Variants in CLTRN observed in about 807,000 individuals in gnomAD.
CLTRN encodes the protein collectrin, amino acid transport regulator, also known as collectrin.
In CLTRN, 12 loss-of-function variants were observed where a neutral mutation model predicts 14.5. The observed-to-expected ratio is 0.83, with a 90% confidence interval of 0.53 to 1.34. The LOEUF is 1.34. Ranked by LOEUF, CLTRN falls within the 40% of genes most tolerant of loss-of-function variation. The pLI is 0.00. For synonymous variants in CLTRN, 58 were observed against 56.5 expected, an observed-to-expected ratio of 1.03 and a Z score of -0.12; for missense variants, 154 against 165.1, an observed-to-expected ratio of 0.93 and a Z score of 0.37.
intron 3 of CLTRN, among the ~76,000 whole-genome samples, chrX:15,655,580 A>G: frequency 8.9e-6 from 1 of 111,968 alleles, no homozygotes; most frequent in East Asian, 2.8e-4. Flanking sequence ...GCTTGGCCCC[A>G]GGAATATATT....
intron 3 of CLTRN, among the ~76,000 whole-genome samples, chrX:15,652,993 A>AT (rs1282203752): frequency 9.0e-6 from 1 of 111,329 alleles, no homozygotes; most frequent in African/African-American, 3.3e-5. Flanking sequence ...AGGCAGGAGA[A>AT]TTGCGTTAAC....
chrX:15,630,520 T>A (rs1194709814), intron 5 of CLTRN, among the ~76,000 whole-genome samples: 1 of 112,531 alleles, frequency 8.9e-6, no homozygotes, highest in African/African-American at 3.2e-5. Context: ...AAAGGTAAAG[T>A]AGCATTCCAA....
chrX:15,643,348 T>C (rs1928986406), intron 4 of CLTRN, among the ~76,000 whole-genome samples: 1 of 111,989 alleles, frequency 8.9e-6, no homozygotes, highest in Non-Finnish European at 1.9e-5. Flanking sequence ...TGTGCCCTAC[T>C]AATTCCCTGA....
intron 2 of CLTRN, among the ~76,000 whole-genome samples, chrX:15,663,231 A>C (rs1257346699): frequency 1.8e-5 from 2 of 112,172 alleles, no homozygotes; most frequent in African/African-American, 3.2e-5. Flanking sequence ...CACAAGGGTA[A>C]GGACAAGCCT....
At chrX:15,664,262 C>T (rs974071168) in intron 2 of CLTRN, 75 bp downstream of exon 2, 18 of 718,603 alleles carry the variant, frequency 2.5e-5, no homozygotes, top group African/African-American at 6.5e-5. Flanking sequence ...ACTATGCAGA[C>T]AGGCCCATTA....
chrX:15,655,147 C>T (rs897147617), intron 3 of CLTRN, among the ~76,000 whole-genome samples: 2 of 111,894 alleles, frequency 1.8e-5, no homozygotes, highest in African/African-American at 3.2e-5. Flanking sequence ...CCATTTCCTC[C>T]GGGCTCCACT....
chrX:15,637,961 C>T (rs566616011), intron 5 of CLTRN, among the ~76,000 whole-genome samples: 178 of 111,897 alleles, frequency 1.6e-3, no homozygotes, highest in African/African-American at 5.6e-3. Context: ...GGATTATATA[C>T]AAGGGCAGAA....
At chrX:15,663,929 G>T (rs1157116806) in intron 2 of CLTRN, among the ~76,000 whole-genome samples, 1 of 112,243 alleles carries the variant, frequency 8.9e-6, no homozygotes, top group African/African-American at 3.2e-5. Flanking sequence ...TGCTATGAAA[G>T]ACTTTATGTG....
chrX:15,647,140 C>A (rs1414908277), intron 3 of CLTRN, among the ~76,000 whole-genome samples: 2 of 111,881 alleles, frequency 1.8e-5, no homozygotes, highest in Non-Finnish European at 3.8e-5. Flanking sequence ...GCACACCCAG[C>A]CTGCTGCCCG....
chrX:15,629,641 C>T (rs1261658599), intron 5 of CLTRN, among the ~76,000 whole-genome samples: 4 of 111,136 alleles, frequency 3.6e-5, no homozygotes, highest in African/African-American at 1.3e-4. Flanking sequence ...GTAATAGGAA[C>T]AGAAAATCAC....
intron 3 of CLTRN, among the ~76,000 whole-genome samples, chrX:15,645,325 A>G (rs899003284): frequency 3.6e-5 from 4 of 111,490 alleles, no homozygotes; most frequent in African/African-American, 9.8e-5. Context: ...GGTTGGTGAC[A>G]GCCCCCGTTT....
chrX:15,645,199 TC>T (rs1397958805), intron 3 of CLTRN, among the ~76,000 whole-genome samples, 170 bp from the exon 4 acceptor site: 6 of 111,967 alleles, frequency 5.4e-5, no homozygotes, highest in Non-Finnish European at 9.4e-5. Context: ...TATAGGAAAT[TC>T]CCATTGTTTC....
intron 3 of CLTRN, among the ~76,000 whole-genome samples, chrX:15,654,348 A>C (rs1285606788): frequency 8.9e-6 from 1 of 112,833 alleles, no homozygotes; most frequent in Non-Finnish European, 1.9e-5. Flanking sequence ...AAATTATCTA[A>C]AAGTTGATGT....
At chrX:15,660,842 A>T (rs1929490858) in intron 2 of CLTRN, among the ~76,000 whole-genome samples, 1 of 94,726 alleles carries the variant, frequency 1.1e-5, no homozygotes, top group Non-Finnish European at 2.1e-5. Context: ...AACAACAACA[A>T]CAAAAGAATG....
chrX:15,652,734 T>C (rs1929250672), intron 3 of CLTRN, among the ~76,000 whole-genome samples: 1 of 111,927 alleles, frequency 8.9e-6, no homozygotes, highest in African/African-American at 3.3e-5. Flanking sequence ...TTTGATCATT[T>C]GAAATCATTA....
At chrX:15,671,747 C>A (rs919160733) in intron 1 of CLTRN, among the ~76,000 whole-genome samples, 1 of 110,575 alleles carries the variant, frequency 9.0e-6, no homozygotes, top group Admixed American at 9.7e-5. Context: ...TTTCATTGGC[C>A]ATCTTAATAA....
intron 3 of CLTRN, among the ~76,000 whole-genome samples, chrX:15,657,341 G>A (rs748254609): frequency 3.8e-4 from 43 of 112,040 alleles, no homozygotes; most frequent in Admixed American, 6.6e-4. Context: ...CAAATAAACC[G>A]GATCAGATAT....
chrX:15,660,924 T>C (rs1427438195), intron 2 of CLTRN, among the ~76,000 whole-genome samples: 1 of 112,537 alleles, frequency 8.9e-6, no homozygotes, highest in African/African-American at 3.2e-5. Context: ...TAGATCTTAT[T>C]TGAAGTGCTC....
intron 3 of CLTRN, chrX:15,646,097 T>C: frequency 7.6e-6 from 1 of 131,467 alleles, no homozygotes; most frequent in African/African-American, 3.2e-5. Context: ...GAGCTGAGTG[T>C]CTGGGACCAT....
Sources: gnomAD v4.1 joint callset for allele counts (sites outside exome capture counted in the v4.1 genomes callset) on GRCh38, gnomAD v4.1.1 for gene constraint, MANE v1.5 for transcripts, NCBI Gene and HGNC (gene_info 2026-07-23, HGNC 2026-07-21) for gene names.